The following TRPC5 variants were observed in gnomAD, a reference collection of about 807,000 sequenced individuals.
The protein encoded by TRPC5 is short transient receptor potential channel 5.
In TRPC5, 9 loss-of-function variants were observed where a neutral mutation model predicts 56.5. The ratio of observed to expected loss-of-function variants is 0.16; its 90% CI spans 0.10 to 0.28. The LOEUF is 0.28. TRPC5 is among the 10% of genes least tolerant of loss of function. The pLI is 1.00. For missense variants in TRPC5, 469 were observed against 748.9 expected (o/e 0.63, Z 4.36); for synonymous variants, 282 against 278.5 (o/e 1.01, Z -0.13).
At chrX:111,881,700 C>A (rs143490335) in intron 3 of TRPC5, among the ~76,000 whole-genome samples, 2 of 108,153 alleles carry the variant, frequency 1.8e-5, no homozygotes, top group African/African-American at 6.8e-5. Context: ...TGTTTCCTGT[C>A]GCAGTGTGGT....
intron 1 of TRPC5, among the ~76,000 whole-genome samples, chrX:112,011,635 C>T (rs1412189567): frequency 1.8e-5 from 2 of 111,713 alleles, no homozygotes; most frequent in Non-Finnish European, 3.8e-5. Flanking sequence ...TGTTCCACTG[C>T]CCTCATATCC....
At chrX:111,971,560 C>T (rs775457205) in intron 1 of TRPC5, among the ~76,000 whole-genome samples, 89 of 111,511 alleles carry the variant, frequency 8.0e-4, no homozygotes, top group Non-Finnish European at 1.4e-3. Flanking sequence ...AACAGTCATA[C>T]TGCTCAAAGG....
intron 1 of TRPC5, among the ~76,000 whole-genome samples, chrX:112,038,847 A>ATTTT (rs750713100): frequency 2.3e-5 from 2 of 88,275 alleles, no homozygotes; most frequent in African/African-American, 4.2e-5. Flanking sequence ...ATGCCCGGCT[A>ATTTT]TTTTTTTTTT....
intron 1 of TRPC5, among the ~76,000 whole-genome samples, chrX:112,073,582 T>C (rs1260171300): frequency 1.8e-5 from 2 of 111,381 alleles, no homozygotes; most frequent in Non-Finnish European, 3.8e-5. Context: ...GAGATAAAAA[T>C]TGTTATATCT....
chrX:111,949,489 TCAA>T (rs960789846), intron 2 of TRPC5, among the ~76,000 whole-genome samples: 10 of 110,595 alleles, frequency 9.0e-5, no homozygotes, highest in African/African-American at 2.3e-4. Context: ...CTCAAGCAAA[TCAA>T]CAACAACAAC....
chrX:111,867,867 T>G (rs1351599682), intron 3 of TRPC5, among the ~76,000 whole-genome samples: 3 of 112,338 alleles, frequency 2.7e-5, no homozygotes, highest in Non-Finnish European at 5.6e-5. Context: ...GCAGTCTATA[T>G]GTCCTTAAAT....
chrX:111,960,881 G>A (rs1212793794), intron 1 of TRPC5, among the ~76,000 whole-genome samples: 3 of 110,829 alleles, frequency 2.7e-5, no homozygotes, highest in African/African-American at 6.6e-5. Context: ...GTGCGATCTC[G>A]GCTCACTACA....
rs182633155 is a variant in TRPC5 at position 111,940,412 on chromosome X, C to T, written c.378+11631G>A. 5.4e-5 allele frequency among the ~76,000 whole-genome samples: 6 copies of T among 111,533 alleles called. No homozygotes were observed. The East Asian group carries it at 1.1e-3, about 21-fold the overall frequency. ...CGTAAAGCAAAAAATATATTCCGGC[C>T]AGGCGCGGTGGCTCACGCCTGTAAT... On this transcript the variant is annotated intron_variant, in intron 2 of 10. Coordinates refer to ENST00000262839, the MANE Select transcript of TRPC5 (RefSeq NM_012471.3).
chrX:111,850,980 T>G (rs1923068486), intron 5 of TRPC5, among the ~76,000 whole-genome samples: 1 of 112,155 alleles, frequency 8.9e-6, no homozygotes, highest in African/African-American at 3.2e-5. Context: ...TGTTACTTAG[T>G]CAGCAGAGTG....
intron 2 of TRPC5, among the ~76,000 whole-genome samples, chrX:111,932,295 G>T (rs1191420094): frequency 9.0e-6 from 1 of 111,426 alleles, no homozygotes; most frequent in African/African-American, 3.3e-5. Context: ...CCTTGATTTT[G>T]GTGCATGGGT....
rs185992449 is a variant in TRPC5, at chrX:111,969,144, T to C, written c.-21-16703A>G. On this transcript the variant is annotated intron_variant, in intron 1 of 10. Transcript: ENST00000262839. ...GATCAGTCAGCAGTCATCAACATTGTGGCAGGACCCTCCACCAGCAAAAAG... is the reference window on the plus strand; with the variant it reads ...GATCAGTCAGCAGTCATCAACATTGCGGCAGGACCCTCCACCAGCAAAAAG... Among the ~76,000 whole-genome samples, 321 of 111,237 alleles carry C rather than the reference T, an allele frequency of 2.9e-3. 3 individuals carry two copies. Among genetic ancestry groups the C allele is most frequent in the Admixed American group, 0.027 (283 of 10,434 alleles).
At chrX:111,805,274 T>C (rs1921463123) in intron 7 of TRPC5, among the ~76,000 whole-genome samples, 1 of 112,223 alleles carries the variant, frequency 8.9e-6, no homozygotes, top group African/African-American at 3.2e-5. Flanking sequence ...TGAGGATTTT[T>C]GCATCAATGT....
At chrX:111,903,775 G>T (rs764742199) in intron 3 of TRPC5, 38 of 112,125 alleles carry the variant, frequency 3.4e-4, no homozygotes, top group Non-Finnish European at 5.6e-4. Flanking sequence ...TAGGCTGGTA[G>T]ATGGCATTAG....
chrX:111,952,094 C>T lies in TRPC5; in HGVS notation c.327G>A (p.Val109=), dbSNP rs781772133. ...ALLYAIRKEV[V]GAVELLLSYR... Reference sequence around the variant, plus strand: ...AGCTGAGCAGAAGCTCCACAGCGCCCACCACTTCCTTGCGTATGGCATAGA... The same window carrying T: ...AGCTGAGCAGAAGCTCCACAGCGCCTACCACTTCCTTGCGTATGGCATAGA... The change falls in exon 2 of 11, where the codon GTG becomes GTA. Residue 109 remains valine, a synonymous_variant. Transcript: ENST00000262839. 2 of 1,212,081 alleles carry T rather than the reference C, an allele frequency of 1.7e-6. No homozygotes were observed. The highest frequency in any genetic ancestry group is 3.5e-5 in the South Asian group (2 of 57,001).
At chrX:111,998,998 C>T (rs1928623426) in intron 1 of TRPC5, among the ~76,000 whole-genome samples, 2 of 111,689 alleles carry the variant, frequency 1.8e-5, no homozygotes, top group Non-Finnish European at 3.8e-5. Context: ...CCTAGGTATA[C>T]ATGTGCCATG....
intron 1 of TRPC5, among the ~76,000 whole-genome samples, chrX:112,024,932 T>C (rs886310287): frequency 2.7e-5 from 3 of 112,174 alleles, no homozygotes; most frequent in African/African-American, 9.7e-5. Flanking sequence ...GCCTATGCCA[T>C]AGTAAAGCTA....
At chrX:111,783,008 T>A (rs191097029) in intron 7 of TRPC5, among the ~76,000 whole-genome samples, 5 of 111,912 alleles carry the variant, frequency 4.5e-5, no homozygotes, top group Admixed American at 9.5e-5. Flanking sequence ...CTGTTTTCTG[T>A]CCCTATAGTT....
At position 111,847,176 on chromosome X, in the gene TRPC5, A is replaced by G; in HGVS notation, c.1638T>C (p.Ala546=). The G allele has an allele frequency of 8.3e-7, 1 of 1,211,891 alleles. No individual in the cohort carries two copies. The highest frequency in any genetic ancestry group is 1.8e-5 in the South Asian group (1 of 56,990). The change falls in exon 6 of 11, where the codon GCT becomes GCC. Residue 546 remains alanine (A), a synonymous_variant. Transcript: ENST00000262839. The stretch of plus-strand genomic sequence containing the variant: ...CCTTGCAGTTGTTAGGCTCATCGAT[A>G]GCTCTGGTTTCATAATAGAAGTAAA... ...NQLYFYYETR[A]IDEPNNCKGI...
intron 1 of TRPC5, among the ~76,000 whole-genome samples, chrX:111,970,766 C>A (rs1927757664): frequency 1.9e-5 from 2 of 103,847 alleles, no homozygotes; most frequent in Non-Finnish European, 3.9e-5. Flanking sequence ...TCAGGCAAGT[C>A]ACATTACCGT....
Sources: gnomAD v4.1 joint callset for allele counts (sites outside exome capture counted in the v4.1 genomes callset) on GRCh38, gnomAD v4.1.1 for gene constraint, MANE v1.5 for transcripts, NCBI Gene and HGNC (gene_info 2026-07-23, HGNC 2026-07-21) for gene names.